Variants in NPAS3 observed in about 807,000 individuals in gnomAD.
NPAS3 encodes neuronal PAS domain-containing protein 3.
In NPAS3, 14 loss-of-function variants were observed where a neutral mutation model predicts 73.1. The observed-to-expected ratio is 0.19, with a 90% CI of 0.13 to 0.30. The LOEUF (loss-of-function observed/expected upper bound fraction) is 0.30, where lower values mean the gene tolerates loss of function less well. Ranked by LOEUF, NPAS3 falls within the 10% of genes least tolerant of loss-of-function variation. The pLI is 1.00. For synonymous variants in NPAS3, 620 were observed against 541.5 expected, an observed-to-expected ratio of 1.14 and a Z score of -2.01; for missense variants, 1,096 against 1,250.0, an observed-to-expected ratio of 0.88 and a Z score of 1.86.
chr14:33,761,109 C>T (rs2062271866), intron 7 of NPAS3, among the ~76,000 whole-genome samples: 1 of 152,202 alleles, frequency 6.6e-6, no homozygotes, highest in Non-Finnish European at 1.5e-5. Context: ...ATACTATGGA[C>T]AGAACGTGTA....
chr14:32,990,027 G>A (rs940962915), intron 1 of NPAS3, among the ~76,000 whole-genome samples: 7 of 152,070 alleles, frequency 4.6e-5, no homozygotes, highest in African/African-American at 1.7e-4. Context: ...ATAAAGGAGG[G>A]AGTCACGATA....
At chr14:33,336,386 T>C (rs2044226824) in intron 3 of NPAS3, among the ~76,000 whole-genome samples, 1 of 152,170 alleles carries the variant, frequency 6.6e-6, no homozygotes, top group Admixed American at 6.5e-5. Flanking sequence ...CTTGATTTTG[T>C]AGGACAGAAG....
intron 1 of NPAS3, among the ~76,000 whole-genome samples, chr14:32,950,840 A>G (rs1316593310): frequency 6.6e-6 from 1 of 152,156 alleles, no homozygotes; most frequent in Non-Finnish European, 1.5e-5. Context: ...ACATTGCTGA[A>G]TCAGGATTTT....
chr14:33,324,627 C>T (rs916758851), intron 3 of NPAS3, among the ~76,000 whole-genome samples: 1 of 152,022 alleles, frequency 6.6e-6, no homozygotes, highest in Admixed American at 6.5e-5. Flanking sequence ...GATTTCATAG[C>T]GATAGAAAAT....
intron 1 of NPAS3, among the ~76,000 whole-genome samples, chr14:32,975,104 C>T (rs1367622317): frequency 6.6e-6 from 1 of 152,112 alleles, no homozygotes; most frequent in Admixed American, 6.5e-5. Context: ...AAGTCTACAA[C>T]AAGCACTTGA....
chr14:33,083,665 G>C (rs901056272), intron 2 of NPAS3, among the ~76,000 whole-genome samples: 4 of 152,060 alleles, frequency 2.6e-5, no homozygotes, highest in African/African-American at 7.2e-5. Flanking sequence ...TCTGTCATTG[G>C]GAGAAAATTG....
chr14:33,677,427 T>C (rs1418037598), intron 6 of NPAS3, among the ~76,000 whole-genome samples: 2 of 152,222 alleles, frequency 1.3e-5, no homozygotes, highest in Non-Finnish European at 2.9e-5. Context: ...AATTATTTTT[T>C]CACTCTTCAA....
intron 7 of NPAS3, among the ~76,000 whole-genome samples, chr14:33,744,901 G>T (rs1056236399): frequency 1.3e-5 from 2 of 152,046 alleles, no homozygotes; most frequent in African/African-American, 4.8e-5. Context: ...TGGCAGCAAT[G>T]AACTTGTTTG....
intron 6 of NPAS3, among the ~76,000 whole-genome samples, chr14:33,724,814 C>T (rs2061218689): frequency 6.6e-6 from 1 of 151,468 alleles, no homozygotes; most frequent in Admixed American, 6.6e-5. Flanking sequence ...TACTGATAGA[C>T]ATGCAAACTG....
rs1282836615 is a variant in NPAS3, at chr14:33,487,425, T to A, written c.469-72696T>A. On this transcript the variant is annotated intron_variant, in intron 4 of 11. Coordinates refer to ENST00000356141, the Ensembl canonical transcript of NPAS3. ...AGTGTGTATATCAATATCAGTTTAA[T>A]CCCAAATGGAGGCTTTATTTAAACT... 2.0e-5 allele frequency among the ~76,000 whole-genome samples: 3 copies of A among 152,314 alleles called. No homozygotes were observed. In the South Asian group the frequency reaches 6.2e-4, roughly 32 times the overall value.
intron 4 of NPAS3, among the ~76,000 whole-genome samples, chr14:33,485,522 T>C (rs556077165): frequency 2.1e-4 from 32 of 152,208 alleles, no homozygotes; most frequent in African/African-American, 7.7e-4. Flanking sequence ...AATGCAGACC[T>C]CTGGATTTAG....
intron 5 of NPAS3, among the ~76,000 whole-genome samples, chr14:33,643,377 A>C: frequency 7.7e-6 from 1 of 129,394 alleles, no homozygotes; most frequent in African/African-American, 3.8e-5. Flanking sequence ...ATAAAAATTA[A>C]AAAAAAAAAA....
intron 5 of NPAS3, among the ~76,000 whole-genome samples, chr14:33,606,996 G>A (rs1157517914): frequency 1.3e-5 from 2 of 152,116 alleles, no homozygotes; most frequent in Non-Finnish European, 2.9e-5. Context: ...TAGTCATTAG[G>A]GAAATGCAGA....
intron 6 of NPAS3, among the ~76,000 whole-genome samples, chr14:33,700,733 G>A (rs536565877): frequency 2.0e-4 from 30 of 152,262 alleles, no homozygotes; most frequent in Admixed American, 5.2e-4. Context: ...TAGTGATTGC[G>A]TCCAGGACTT....
intron 4 of NPAS3, among the ~76,000 whole-genome samples, chr14:33,429,003 C>T (rs2048670949): frequency 6.6e-6 from 1 of 152,028 alleles, no homozygotes; most frequent in South Asian, 2.1e-4. Flanking sequence ...TTGGAAATTA[C>T]ATCCTTTGCT....
intron 6 of NPAS3, among the ~76,000 whole-genome samples, chr14:33,731,197 G>C (rs1298905999): frequency 6.6e-6 from 1 of 152,010 alleles, no homozygotes; most frequent in Admixed American, 6.6e-5. Context: ...GAGGGGCCAA[G>C]GCTGTGAATC....
upstream of NPAS3, chr14:32,934,914 G>GGTGCCGGCCGGCGCGGGC (rs1442079138): frequency 9.8e-7 from 1 of 1,022,384 alleles, no homozygotes; most frequent in Non-Finnish European, 1.2e-6. The surrounding 1 kb of genome is among the most constrained non-coding windows in gnomAD (Gnocchi z 4.1). Flanking sequence ...CGGCCGCGGG[G>GGTGCCGGCCGGCGCGGGC]GTGCCGGCCG....
intron 3 of NPAS3, among the ~76,000 whole-genome samples, chr14:33,300,159 G>T (rs893565996): frequency 6.6e-6 from 1 of 152,118 alleles, no homozygotes; most frequent in South Asian, 2.1e-4. Context: ...AAATATCTAG[G>T]ATAGTATTCT....
intron 4 of NPAS3, among the ~76,000 whole-genome samples, chr14:33,471,810 G>A (rs1213072361): frequency 6.6e-6 from 1 of 152,216 alleles, no homozygotes; most frequent in Middle Eastern, 3.2e-3. Flanking sequence ...CTGCACAACA[G>A]GAGGTGAGCA....
Sources: gnomAD v4.1 joint callset for allele counts (sites outside exome capture counted in the v4.1 genomes callset) on GRCh38, gnomAD v4.1.1 for gene constraint, Gnocchi (gnomAD v3.1) non-coding constraint, MANE v1.5 for transcripts, NCBI Gene and HGNC (gene_info 2026-07-23, HGNC 2026-07-21) for gene names.